Variants in CAMKMT observed in about 807,000 individuals in gnomAD.
CAMKMT encodes the protein calmodulin-lysine N-methyltransferase.
CAMKMT carries 53 observed loss-of-function variants against 48.0 expected under a neutral mutation model. The ratio of observed to expected loss-of-function variants is 1.10; its 90% CI spans 0.89 to 1.39. CAMKMT has a LOEUF of 1.39. Among genes scored for constraint, CAMKMT ranks in the 40% most tolerant of loss-of-function variants. The pLI is 0.00. For missense variants in CAMKMT, 428 were observed against 402.7 expected (o/e 1.06, Z -0.54); for synonymous variants, 165 against 152.3 (o/e 1.08, Z -0.61).
At chr2:44,543,218 A>G (rs1476049989) in intron 3 of CAMKMT, among the ~76,000 whole-genome samples, 2 of 152,180 alleles carry the variant, frequency 1.3e-5, no homozygotes, top group Non-Finnish European at 2.9e-5. Context: ...AAAGCTGAGA[A>G]TCTACAGAAG....
At chr2:44,448,721 A>C (rs1345620591) in intron 3 of CAMKMT, among the ~76,000 whole-genome samples, 3 of 152,220 alleles carry the variant, frequency 2.0e-5, no homozygotes, top group African/African-American at 7.2e-5. Flanking sequence ...CGTATGTTAT[A>C]AACTGTTATT....
chr2:44,625,895 C>T (rs1037281971), intron 3 of CAMKMT, among the ~76,000 whole-genome samples: 3 of 152,124 alleles, frequency 2.0e-5, no homozygotes, highest in Admixed American at 2.0e-4. Flanking sequence ...CAATACCATA[C>T]TGTTTTGATT....
At chr2:44,667,877 G>A (rs1279299784) in intron 3 of CAMKMT, among the ~76,000 whole-genome samples, 1 of 152,126 alleles carries the variant, frequency 6.6e-6, no homozygotes, top group African/African-American at 2.4e-5. Flanking sequence ...GCCTGCCTCA[G>A]GTTCTCATTT....
chr2:44,423,696 A>G (rs2104516709), intron 3 of CAMKMT, among the ~76,000 whole-genome samples: 1 of 152,330 alleles, frequency 6.6e-6, no homozygotes, highest in African/African-American at 2.4e-5. Context: ...TCTGCACTTA[A>G]CACTACATTT....
intron 3 of CAMKMT, among the ~76,000 whole-genome samples, chr2:44,474,007 G>C (rs965465184): frequency 6.6e-6 from 1 of 152,106 alleles, no homozygotes; most frequent in Non-Finnish European, 1.5e-5. Context: ...AGATTATTTG[G>C]CTATTTGCAG....
At chr2:44,456,765 C>T in intron 3 of CAMKMT, 1 of 656,520 alleles carries the variant, frequency 1.5e-6, no homozygotes, top group Non-Finnish European at 2.4e-6. Flanking sequence ...TCTTTTCCTT[C>T]TTTTCTGGGA....
chr2:44,704,186 G>A (rs1452435018), intron 3 of CAMKMT, 97 bp from the exon 4 acceptor site: 3 of 753,672 alleles, frequency 4.0e-6, no homozygotes, highest in South Asian at 2.7e-5. Flanking sequence ...TTGTTTGATT[G>A]AAGTTGAAAT....
Position 44,772,080 on chromosome 2 carries a change from C to T in CAMKMT, c.939C>T (p.Tyr313=). ...NPDIYEENLH[Y]PLLLILTKHG ...ACATATATGAAGAAAACCTTCATTA[C>T]CCGCTTCTGCTTATTTTGACCAAAC... Residue 313 remains tyrosine, a synonymous_variant, in exon 11 of 11, where the codon TAC becomes TAT. Coordinates refer to ENST00000378494, the MANE Select transcript of CAMKMT (RefSeq NM_024766.5). 1 of 1,613,832 alleles carries T rather than the reference C, an allele frequency of 6.2e-7. No homozygotes were observed. Among genetic ancestry groups the T allele is most frequent in the Non-Finnish European group, 8.5e-7 (1 of 1,179,936 alleles).
intron 3 of CAMKMT, among the ~76,000 whole-genome samples, chr2:44,522,011 CT>C (rs1353455110): frequency 2.3e-3 from 325 of 143,340 alleles, no homozygotes; most frequent in Admixed American, 2.4e-3. Context: ...TTCTTTCTTT[CT>C]TTTTTTTTTT....
intron 3 of CAMKMT, among the ~76,000 whole-genome samples, chr2:44,402,518 A>G (rs1682472437): frequency 6.6e-6 from 1 of 151,930 alleles, no homozygotes; most frequent in Admixed American, 6.6e-5. Flanking sequence ...ATTTTATGAT[A>G]AAATATCTTT....
At chr2:44,462,583 A>T (rs1421682351) in intron 3 of CAMKMT, among the ~76,000 whole-genome samples, 3 of 152,084 alleles carry the variant, frequency 2.0e-5, no homozygotes, top group African/African-American at 7.2e-5. Flanking sequence ...ACTGTAGTGA[A>T]TATGTATTCA....
At chr2:44,387,048 A>C (rs1473071104) in intron 2 of CAMKMT, among the ~76,000 whole-genome samples, 1 of 152,156 alleles carries the variant, frequency 6.6e-6, no homozygotes, top group Non-Finnish European at 1.5e-5. Context: ...TCCAAGGTAT[A>C]GTTTAAATCT....
intron 3 of CAMKMT, among the ~76,000 whole-genome samples, chr2:44,649,757 C>G (rs1353428746): frequency 6.6e-6 from 1 of 152,222 alleles, no homozygotes; most frequent in East Asian, 1.9e-4. Flanking sequence ...CTCACCCATT[C>G]CTGCTCTCCT....
chr2:44,574,742 T>TAATTAA (rs1669114919), intron 3 of CAMKMT, among the ~76,000 whole-genome samples: 1 of 152,042 alleles, frequency 6.6e-6, no homozygotes, highest in Non-Finnish European at 1.5e-5. Context: ...TCTTATTAAT[T>TAATTAA]AATTAATTAA....
chr2:44,662,093 A>G (rs541698177), intron 3 of CAMKMT, among the ~76,000 whole-genome samples: 1 of 152,304 alleles, frequency 6.6e-6, no homozygotes, highest in South Asian at 2.1e-4. Context: ...ACTAACAGAT[A>G]CTGTTGTCCA....
At chr2:44,421,837 G>C (rs1174256140) in intron 3 of CAMKMT, among the ~76,000 whole-genome samples, 1 of 152,134 alleles carries the variant, frequency 6.6e-6, no homozygotes. Context: ...TTTCCATTCT[G>C]TGTCGAGTTT....
intron 7 of CAMKMT, among the ~76,000 whole-genome samples, chr2:44,739,980 A>G (rs910336662): frequency 1.3e-5 from 2 of 152,182 alleles, no homozygotes; most frequent in African/African-American, 2.4e-5. Context: ...TCTAGGTGGC[A>G]TAAGAGAAGG....
chr2:44,534,179 C>G (rs1666639744), intron 3 of CAMKMT, among the ~76,000 whole-genome samples: 1 of 152,120 alleles, frequency 6.6e-6, no homozygotes, highest in Admixed American at 6.5e-5. Context: ...TATAACAATT[C>G]TTAATATATA....
In CAMKMT at chr2:44,421,226, G is replaced by A. The variant is rs572215697; in HGVS notation, c.376+30921G>A. On this transcript the variant is annotated intron_variant, in intron 3 of 10. Transcript: ENST00000378494. ...TGCTATTCATTTACTTTCTTCATGA[G>A]CAGTGATCTTGAAAGTTTTGAAGAA... Among the ~76,000 whole-genome samples, 8 of 152,206 alleles carry A rather than the reference G, an allele frequency of 5.3e-5. No individual in the cohort carries two copies. The East Asian group carries it at 7.7e-4, about 15-fold the overall frequency.
Sources: gnomAD v4.1 joint callset for allele counts (sites outside exome capture counted in the v4.1 genomes callset) on GRCh38, gnomAD v4.1.1 for gene constraint, MANE v1.5 for transcripts, NCBI Gene and HGNC (gene_info 2026-07-23, HGNC 2026-07-21) for gene names.